The following LMNTD1 variants were observed in gnomAD, a reference collection of about 807,000 sequenced individuals.
LMNTD1 encodes the protein lamin tail domain-containing protein 1.
A neutral mutation model predicts 50.9 loss-of-function variants in LMNTD1; 35 were observed. The observed-to-expected ratio is 0.69, with a 90% CI of 0.53 to 0.91. The LOEUF (loss-of-function observed/expected upper bound fraction) is 0.91. Among genes scored for constraint, LMNTD1 ranks in the 40% least tolerant of loss-of-function variants. LMNTD1 has a pLI of 0.00. For missense variants in LMNTD1, 470 were observed against 475.5 expected (o/e 0.99, Z 0.11); for synonymous variants, 153 against 161.9 (o/e 0.94, Z 0.42).
In LMNTD1 at chr12:25,585,236, G is replaced by C. The variant is rs73078344; in HGVS notation, c.59-38682C>G. ...CCTCAGCAAACTCTCTGCTCTTCCA[G>C]TTTCATTGGCAGTCTAAAAACCTGG... On this transcript the variant is annotated intron_variant, in intron 1 of 7. Transcript: ENST00000445693. Among the ~76,000 whole-genome samples, 635 of 152,292 alleles carry C rather than the reference G, an allele frequency of 4.2e-3. 2 individuals carry two copies. Among genetic ancestry groups the C allele is most frequent in the Non-Finnish European group, 7.4e-3 (505 of 68,034 alleles).
At chr12:25,568,134 G>A (rs924244025) in intron 1 of LMNTD1, among the ~76,000 whole-genome samples, 1 of 152,158 alleles carries the variant, frequency 6.6e-6, no homozygotes, top group Non-Finnish European at 1.5e-5. Flanking sequence ...GGAAATGAGG[G>A]ACTTTTCAGG....
intron 4 of LMNTD1, among the ~76,000 whole-genome samples, chr12:25,528,465 T>C (rs1375640940): frequency 6.6e-6 from 1 of 152,170 alleles, no homozygotes; most frequent in Non-Finnish European, 1.5e-5. Flanking sequence ...CACACAAAGA[T>C]TGCTGCTACC....
chr12:25,484,204 A>C lies in LMNTD1; in HGVS notation c.*23-7744T>G, dbSNP rs150870713. 1.9e-3 allele frequency among the ~76,000 whole-genome samples: 292 copies of C among 152,144 alleles called. 5 individuals carry two copies. The highest frequency in any genetic ancestry group is 6.9e-3 in the African/African-American group (284 of 41,386). On this transcript the variant is annotated intron_variant, in intron 9 of 9. Transcript: ENST00000458174. Reference sequence around the variant, plus strand: ...CTAAATTATTTTTGTTTTTAAAATAAAAGTGTTTACGTAGAAAAATAATTT... The same window carrying C: ...CTAAATTATTTTTGTTTTTAAAATACAAGTGTTTACGTAGAAAAATAATTT...
rs191894692 is a variant in LMNTD1 at position 25,518,192 on chromosome 12, C to T, written c.1189+603G>A. ...CTTCTTGGCTTTATGTTCTTCTACTCCAGTTCTTGTTAAATACTTGTGGAC... is the reference window on the plus strand; with the variant it reads ...CTTCTTGGCTTTATGTTCTTCTACTTCAGTTCTTGTTAAATACTTGTGGAC... On this transcript the variant is annotated intron_variant, in intron 8 of 9. Coordinates refer to ENST00000458174, the MANE Select transcript of LMNTD1 (RefSeq NM_001145728.2). 2.5e-3 allele frequency among the ~76,000 whole-genome samples: 374 copies of T among 152,290 alleles called. 3 individuals are homozygous for T. Among genetic ancestry groups the T allele is most frequent in the African/African-American group, 8.2e-3 (341 of 41,564 alleles).
At chr12:25,560,469 G>A (rs911957838) in intron 1 of LMNTD1, among the ~76,000 whole-genome samples, 1 of 152,196 alleles carries the variant, frequency 6.6e-6, no homozygotes, top group Admixed American at 6.5e-5. Context: ...TTTGAAGTCA[G>A]GTAGCATGAT....
At chr12:25,551,567 A>C (rs1004818781) in intron 2 of LMNTD1, among the ~76,000 whole-genome samples, 1 of 152,018 alleles carries the variant, frequency 6.6e-6, no homozygotes, top group Non-Finnish European at 1.5e-5. Flanking sequence ...TTTGAAAAAA[A>C]TTTTGTAGAC....
At chr12:25,522,449 A>C (rs1302821808) in intron 6 of LMNTD1, among the ~76,000 whole-genome samples, 2 of 152,134 alleles carry the variant, frequency 1.3e-5, no homozygotes, top group Non-Finnish European at 2.9e-5. Context: ...AAACTTACAA[A>C]CTATTTTTAG....
At chr12:25,609,824 G>A (rs1244240554) in intron 1 of LMNTD1, among the ~76,000 whole-genome samples, 1 of 152,222 alleles carries the variant, frequency 6.6e-6, no homozygotes, top group Non-Finnish European at 1.5e-5. Flanking sequence ...GAAGCAGTCT[G>A]TCTGTTCTTA....
intron 1 of LMNTD1, among the ~76,000 whole-genome samples, chr12:25,596,906 T>C (rs949267931): frequency 7.8e-6 from 1 of 128,946 alleles, no homozygotes. Flanking sequence ...TGTGGAAAAA[T>C]TGGGGACATA....
At chr12:25,620,705 G>A (rs1946454721) in intron 1 of LMNTD1, among the ~76,000 whole-genome samples, 1 of 152,114 alleles carries the variant, frequency 6.6e-6, no homozygotes, top group Non-Finnish European at 1.5e-5. Context: ...ACTGAGCACC[G>A]CAACTTCAGG....
chr12:25,647,065 C>G (rs773315479), intron 1 of LMNTD1, among the ~76,000 whole-genome samples: 1 of 152,182 alleles, frequency 6.6e-6, no homozygotes, highest in Non-Finnish European at 1.5e-5. Context: ...CTGGTGACTT[C>G]TCAAATCCTT....
chr12:25,600,257 G>A (rs1158978612), intron 1 of LMNTD1, among the ~76,000 whole-genome samples: 1 of 151,992 alleles, frequency 6.6e-6, no homozygotes, highest in African/African-American at 2.4e-5. Flanking sequence ...GCAGAAGAAT[G>A]AAACTATATC....
At chr12:25,621,675 T>A (rs1270866533) in intron 1 of LMNTD1, among the ~76,000 whole-genome samples, 2 of 152,212 alleles carry the variant, frequency 1.3e-5, no homozygotes, top group African/African-American at 4.8e-5. Flanking sequence ...TGTTTGTACC[T>A]TAAACAAATG....
intron 4 of LMNTD1, among the ~76,000 whole-genome samples, chr12:25,544,511 A>G (rs1480538327): frequency 6.6e-6 from 1 of 151,710 alleles, no homozygotes; most frequent in East Asian, 1.9e-4. Context: ...CCTTATCCCT[A>G]AGCCACTCTA....
At chr12:25,559,730 T>A (rs1944207443) in intron 1 of LMNTD1, among the ~76,000 whole-genome samples, 1 of 152,200 alleles carries the variant, frequency 6.6e-6, no homozygotes, top group African/African-American at 2.4e-5. Context: ...TTTTTAATGA[T>A]CGCCATTCTA....
chr12:25,565,027 CTGATA>C (rs1156467666), intron 1 of LMNTD1, among the ~76,000 whole-genome samples: 1 of 152,094 alleles, frequency 6.6e-6, no homozygotes, highest in Non-Finnish European at 1.5e-5. Context: ...TCTATTTTGT[CTGATA>C]TAAGTATAGC....
At chr12:25,476,852 T>G (rs1285634334) in intron 9 of LMNTD1, among the ~76,000 whole-genome samples, 2 of 152,178 alleles carry the variant, frequency 1.3e-5, no homozygotes, top group Non-Finnish European at 2.9e-5. Context: ...ATGTCCTCAG[T>G]GTTTATGTTG....
chr12:25,514,791 A>AT (rs1380811642), intron 8 of LMNTD1, among the ~76,000 whole-genome samples: 4 of 152,078 alleles, frequency 2.6e-5, no homozygotes, highest in African/African-American at 7.2e-5. Context: ...AAGATTTTTT[A>AT]TTTTTTTACA....
intron 1 of LMNTD1, among the ~76,000 whole-genome samples, chr12:25,619,878 C>T (rs969895164): frequency 4.6e-5 from 7 of 152,190 alleles, no homozygotes; most frequent in Non-Finnish European, 1.0e-4. Context: ...TTTTTTGAAA[C>T]ATTGGTTATG....
Sources: allele counts gnomAD v4.1 joint callset (sites outside exome capture counted in the v4.1 genomes callset), GRCh38; gene constraint gnomAD v4.1.1; transcripts MANE v1.5; gene names NCBI Gene and HGNC (gene_info 2026-07-23, HGNC 2026-07-21).